The following CMBL variants were observed in gnomAD, a reference collection of about 807,000 sequenced individuals.
CMBL encodes the protein carboxymethylenebutenolidase homolog.
Under a neutral mutation model 28.7 loss-of-function variants are expected in CMBL, and 17 were observed. That is an observed-to-expected ratio of 0.59 (90% CI 0.41 to 0.89). The LOEUF (loss-of-function observed/expected upper bound fraction) is 0.89, where lower values mean the gene tolerates loss of function less well. Ranked by LOEUF, CMBL falls within the 40% of genes least tolerant of loss-of-function variation. The pLI is 0.00. For missense variants in CMBL, 310 were observed against 298.5 expected, an observed-to-expected ratio of 1.04 and a Z score of -0.28; for synonymous variants, 106 against 101.6, an observed-to-expected ratio of 1.04 and a Z score of -0.26.
At chr5:10,307,206 A>C (rs1215091587) in intron 1 of CMBL, 1 of 152,212 alleles carries the variant, frequency 6.6e-6, no homozygotes, top group Non-Finnish European at 1.5e-5. Context: ...TCAGTTTTTT[A>C]ATAGTTTTAT....
In CMBL at chr5:10,280,474, C is replaced by T; in HGVS notation, c.717G>A (p.Glu239=). The T allele has an allele frequency of 6.2e-7, 1 of 1,603,610 alleles. No individual in the cohort carries two copies. Among genetic ancestry groups the T allele is most frequent in the Non-Finnish European group, 8.5e-7 (1 of 1,171,986 alleles). ...YIDEARRNLI[E]WLNKYM ...CTTGCTACATGTACTTGTTCAGCCA[C>T]TCAATTAAATTCCTTCTGGCCTCGT... Residue 239 remains glutamate, a synonymous_variant, in exon 6 of 6, where the codon GAG becomes GAA. Transcript: ENST00000296658.
chr5:10,294,946 C>T (rs1017952823), intron 1 of CMBL, among the ~76,000 whole-genome samples: 1 of 152,172 alleles, frequency 6.6e-6, no homozygotes, highest in Admixed American at 6.5e-5. Context: ...ATTACACATC[C>T]CAGAGAAAAG....
chr5:10,288,292 G>T, intron 3 of CMBL, 130 bp downstream of exon 3: 1 of 702,086 alleles, frequency 1.4e-6, no homozygotes, highest in Non-Finnish European at 2.5e-6. Flanking sequence ...TTTGTGCCAG[G>T]GGAAGGATTC....
Position 10,300,617 on chromosome 5 carries a change from T to G in CMBL, c.-20+7008A>C, listed in dbSNP as rs530588091. Among the ~76,000 whole-genome samples the G allele has an allele frequency of 4.4e-4, 67 of 151,866 alleles. 1 individual carries two copies. The highest frequency in any genetic ancestry group is 1.5e-3 in the African/African-American group (64 of 41,406). The stretch of plus-strand genomic sequence containing the variant: ...GAGTATGAGACCAGCATGAGCAACA[T>G]AGGGAGACCCCGTCTCTACAAAAAA... On this transcript the variant is annotated intron_variant, in intron 1 of 5. Coordinates refer to ENST00000296658, the MANE Select transcript of CMBL (RefSeq NM_138809.4).
chr5:10,294,123 A>C (rs1171583831), intron 1 of CMBL, among the ~76,000 whole-genome samples: 1 of 152,234 alleles, frequency 6.6e-6, no homozygotes, highest in East Asian at 1.9e-4. Context: ...GAGGAACAGC[A>C]AGACCAGTGT....
chr5:10,293,408 G>A (rs1746759480), intron 1 of CMBL, among the ~76,000 whole-genome samples: 1 of 152,196 alleles, frequency 6.6e-6, no homozygotes, highest in African/African-American at 2.4e-5. Flanking sequence ...TCACGGGGTA[G>A]AAGGAACTAG....
intron 1 of CMBL, among the ~76,000 whole-genome samples, chr5:10,306,138 A>C (rs374717758): frequency 6.6e-6 from 1 of 152,078 alleles, no homozygotes. Context: ...GCAGTCAGAC[A>C]GGTAAGAGAG....
chr5:10,280,662 C>T (rs995439229), intron 5 of CMBL, 30 bp from the exon 6 acceptor site: 1 of 1,557,606 alleles, frequency 6.4e-7, no homozygotes, highest in East Asian at 2.3e-5. Flanking sequence ...ATGATTTTAA[C>T]CCTTTAGTGA....
chr5:10,299,457 C>T (rs953487934), intron 1 of CMBL, among the ~76,000 whole-genome samples: 12 of 152,250 alleles, frequency 7.9e-5, no homozygotes, highest in African/African-American at 2.9e-4. Context: ...TGAAATGATA[C>T]AAACCCTGGA....
At chr5:10,282,176 A>C in intron 5 of CMBL, 21 bp downstream of exon 5, 1 of 1,527,504 alleles carries the variant, frequency 6.5e-7, no homozygotes, top group Non-Finnish European at 9.1e-7. Flanking sequence ...ATAAATACGA[A>C]GAGAAAAGAT....
At chr5:10,283,170 C>T (rs1746530839) in intron 4 of CMBL, among the ~76,000 whole-genome samples, 1 of 152,004 alleles carries the variant, frequency 6.6e-6, no homozygotes, top group African/African-American at 2.4e-5. Context: ...TACCTCCCCA[C>T]TTTATGGACT....
At chr5:10,285,700 C>CTTTTTTTTTTTT (rs34390937) in intron 4 of CMBL, among the ~76,000 whole-genome samples, 3 of 133,690 alleles carry the variant, frequency 2.2e-5, no homozygotes, top group Non-Finnish European at 3.1e-5. Flanking sequence ...CTTTCTTTTT[C>CTTTTTTTTTTTT]TTTTTTTTTT....
At chr5:10,298,399 A>T (rs1459462488) in intron 1 of CMBL, among the ~76,000 whole-genome samples, 4 of 151,614 alleles carry the variant, frequency 2.6e-5, no homozygotes, top group African/African-American at 4.8e-5. Context: ...TAACCAATTT[A>T]AAAAAAAAGG....
rs1447121864 is a variant in CMBL at position 10,279,635 on chromosome 5, G to A, written c.*818C>T. ...CGACTCACTGCAACCTCTGCCTCCA[G>A]GTTCAAGTGATTCTCCTCCTCAGAC... On this transcript the variant is annotated 3_prime_UTR_variant, in exon 6 of 6. Transcript: ENST00000296658. 1 of 151,866 alleles carries A rather than the reference G, an allele frequency of 6.6e-6. No individual in the cohort carries two copies. The highest frequency in any genetic ancestry group is 1.5e-5 in the Non-Finnish European group (1 of 68,014). The allele number at this position is 151,866 out of a possible 1,614,324, so 9.4% of individuals were successfully genotyped here.
intron 1 of CMBL, among the ~76,000 whole-genome samples, chr5:10,295,786 A>G (rs1746798497): frequency 6.6e-6 from 1 of 152,198 alleles, no homozygotes; most frequent in Non-Finnish European, 1.5e-5. Flanking sequence ...TTGTTGTTGA[A>G]GCCACGTTTG....
chr5:10,302,523 C>A (rs1460863061), intron 1 of CMBL, among the ~76,000 whole-genome samples: 1 of 150,620 alleles, frequency 6.6e-6, no homozygotes, highest in Non-Finnish European at 1.5e-5. Flanking sequence ...GTGGTGCATA[C>A]CTGTAATCCC....
At chr5:10,306,534 G>T (rs1430619566) in intron 1 of CMBL, among the ~76,000 whole-genome samples, 4 of 152,108 alleles carry the variant, frequency 2.6e-5, no homozygotes, top group Non-Finnish European at 5.9e-5. Flanking sequence ...TGCATCCAGG[G>T]CTCAGGGTTA....
rs553617928 is a variant in CMBL, at chr5:10,295,757, C to G, written c.-19-4976G>C. 1.2e-4 allele frequency among the ~76,000 whole-genome samples: 19 copies of G among 152,336 alleles called. No individual in the cohort carries two copies. The East Asian group carries it at 3.1e-3, about 25-fold the overall frequency. ...GCCTCGATCTTGGACTTTCCAGCCT[C>G]CAGAACTGTGAGAAATGTTTGTTGT... On this transcript the variant is annotated intron_variant, in intron 1 of 5. Coordinates refer to ENST00000296658, the MANE Select transcript of CMBL (RefSeq NM_138809.4).
Position 10,280,363 on chromosome 5 carries a change from T to C in CMBL, c.*90A>G, listed in dbSNP as rs1746477370. 2.0e-6 allele frequency: 2 copies of C among 1,000,014 alleles called. No individual in the cohort carries two copies. Among genetic ancestry groups the C allele is most frequent in the Admixed American group, 2.4e-5 (1 of 41,020 alleles). 61.9% of individuals were successfully genotyped at this position (1,000,014 alleles called of 1,614,324 possible). A position where few individuals can be genotyped will look rare whatever the true frequency, so the allele number is the denominator to read the frequency against. The stretch of plus-strand genomic sequence containing the variant: ...TTTTAGGATTCCTACACTTATTTTA[T>C]AAAAGTGAAAATTAAATCAAATGAT... On this transcript the variant is annotated 3_prime_UTR_variant, in exon 6 of 6. Transcript: ENST00000296658.
Sources: gnomAD v4.1 joint callset for allele counts (sites outside exome capture counted in the v4.1 genomes callset) on GRCh38, gnomAD v4.1.1 for gene constraint, MANE v1.5 for transcripts, NCBI Gene and HGNC (gene_info 2026-07-23, HGNC 2026-07-21) for gene names.